Variants in GK5 observed in about 807,000 individuals in gnomAD.
GK5 encodes the protein ATP:glycerol 3-phosphotransferase 5.
A neutral mutation model predicts 77.3 loss-of-function variants in GK5; 39 were observed. The ratio of observed to expected loss-of-function variants is 0.50; its 90% confidence interval spans 0.39 to 0.66. The LOEUF is 0.66. GK5 is among the 30% of genes least tolerant of loss of function. The pLI is 0.00. For missense variants in GK5, 487 were observed against 633.8 expected (o/e 0.77, Z 2.49); for synonymous variants, 211 against 208.0 (o/e 1.01, Z -0.13).
chr3:142,192,800 C>T (rs2063871853), intron 5 of GK5, among the ~76,000 whole-genome samples: 2 of 151,438 alleles, frequency 1.3e-5, no homozygotes, highest in African/African-American at 2.4e-5. Context: ...ATAAACTGTG[C>T]CACATTCAGA....
chr3:142,204,474 T>C (rs966924842), intron 4 of GK5: 1 of 591,082 alleles, frequency 1.7e-6, no homozygotes. Context: ...CATGTGAAAC[T>C]CTGGTCCACC....
intron 1 of GK5, among the ~76,000 whole-genome samples, chr3:142,221,109 C>A (rs1455462526): frequency 6.6e-6 from 1 of 151,826 alleles, no homozygotes; most frequent in Admixed American, 6.6e-5. Flanking sequence ...TATGAAAAGG[C>A]CAAAATAAAG....
At chr3:142,185,904 G>T in intron 9 of GK5, 25 bp downstream of exon 9, 7 of 1,587,516 alleles carry the variant, frequency 4.4e-6, no homozygotes, top group Non-Finnish European at 6.0e-6. Context: ...CTATACAAAG[G>T]GAATCCCTCA....
Position 142,159,853 on chromosome 3 carries a change from C to CTTTTTTTTGTTTTTTTTTTT in GK5, c.*5768_*5769insAAAAAAAAAAACAAAAAAAA, listed in dbSNP as rs2063412590. On this transcript the variant is annotated 3_prime_UTR_variant, in exon 16 of 16. Coordinates refer to ENST00000392993, the MANE Select transcript of GK5 (RefSeq NM_001039547.3). ...TTTCTCTCTCTCTCTCTCTCTCTCT[C>CTTTTTTTTGTTTTTTTTTTT]TTTTTTTTTTTTGAGACAGAGTCTC... 9.4e-6 allele frequency: 1 copy of CTTTTTTTTGTTTTTTTTTTT among 106,124 alleles called. No individual in the cohort carries two copies. Among genetic ancestry groups the CTTTTTTTTGTTTTTTTTTTT allele is most frequent in the Non-Finnish European group, 1.9e-5 (1 of 53,072 alleles). 6.6% of individuals were successfully genotyped at this position (106,124 alleles called of 1,614,324 possible). A position where few individuals can be genotyped will look rare whatever the true frequency, so the allele number is the denominator to read the frequency against.
intron 4 of GK5, among the ~76,000 whole-genome samples, chr3:142,199,661 C>T (rs1035960369): frequency 2.6e-5 from 4 of 151,726 alleles, no homozygotes; most frequent in African/African-American, 9.7e-5. Flanking sequence ...ACTACCTATA[C>T]TTATCTAATG....
At chr3:142,217,331 CAT>C (rs1297411441) in intron 1 of GK5, among the ~76,000 whole-genome samples, 1 of 151,746 alleles carries the variant, frequency 6.6e-6, no homozygotes, top group Non-Finnish European at 1.5e-5. Flanking sequence ...AAAAGAAAGT[CAT>C]AAAAGACATA....
At chr3:142,191,277 C>T (rs1443047493) in intron 5 of GK5, among the ~76,000 whole-genome samples, 2 of 152,026 alleles carry the variant, frequency 1.3e-5, no homozygotes, top group African/African-American at 4.8e-5. Context: ...ATCCGCCCAC[C>T]TCGGCCTCCC....
intron 1 of GK5, among the ~76,000 whole-genome samples, chr3:142,223,991 C>T (rs984306447): frequency 3.9e-5 from 6 of 152,118 alleles, no homozygotes; most frequent in Admixed American, 2.6e-4. Context: ...GGAAGAAGAA[C>T]GGGACACTGA....
intron 4 of GK5, among the ~76,000 whole-genome samples, chr3:142,201,595 T>C (rs943237224): frequency 2.0e-5 from 3 of 152,114 alleles, no homozygotes; most frequent in Non-Finnish European, 4.4e-5. Context: ...CCTGGATGCA[T>C]GAACCTACAG....
At chr3:142,186,711 A>C (rs938754852) in intron 6 of GK5, among the ~76,000 whole-genome samples, 198 bp from the exon 7 acceptor site, 2 of 150,918 alleles carry the variant, frequency 1.3e-5, no homozygotes, top group Non-Finnish European at 2.9e-5. Flanking sequence ...GCTCACCGCA[A>C]CCTCTGCCTC....
chr3:142,193,675 T>G (rs928470505), intron 5 of GK5, among the ~76,000 whole-genome samples: 6 of 152,210 alleles, frequency 3.9e-5, no homozygotes, highest in African/African-American at 1.4e-4. Flanking sequence ...AGTATATATT[T>G]TGTAGTTAAG....
Position 142,159,688 on chromosome 3 carries a change from C to T in GK5, c.*5934G>A, listed in dbSNP as rs1383737394. Reference sequence around the variant, plus strand: ...AGGGGATTTAAAAAGAAAAAACCACCAACACGATTTTGAATCATCTATTTA... The same window carrying T: ...AGGGGATTTAAAAAGAAAAAACCACTAACACGATTTTGAATCATCTATTTA... On this transcript the variant is annotated 3_prime_UTR_variant, in exon 16 of 16. Coordinates refer to ENST00000392993, the MANE Select transcript of GK5 (RefSeq NM_001039547.3). 5 of 151,644 alleles carry T rather than the reference C, an allele frequency of 3.3e-5. No individual in the cohort carries two copies. In the East Asian group the frequency reaches 9.7e-4, roughly 29 times the overall value. The allele number at this position is 151,644 out of a possible 1,614,324, so 9.4% of individuals were successfully genotyped here.
chr3:142,161,674 A>T lies in GK5; in HGVS notation c.*3948T>A, dbSNP rs763896693. On this transcript the variant is annotated 3_prime_UTR_variant, in exon 16 of 16. Coordinates refer to ENST00000392993, the MANE Select transcript of GK5 (RefSeq NM_001039547.3). ...AGCAAAAAAGCAGGTCAAATCAAAG[A>T]TGATCTGCAGAATACATTAACCCTA... 6 of 152,212 alleles carry T rather than the reference A, an allele frequency of 3.9e-5. No individual in the cohort carries two copies. Among genetic ancestry groups the T allele is most frequent in the Non-Finnish European group, 8.8e-5 (6 of 68,030 alleles). The allele number at this position is 152,212 out of a possible 1,614,324, so 9.4% of individuals were successfully genotyped here. A position where few individuals can be genotyped will look rare whatever the true frequency, so the allele number is the denominator to read the frequency against.
At chr3:142,192,676 A>C (rs2063868948) in intron 5 of GK5, among the ~76,000 whole-genome samples, 1 of 151,502 alleles carries the variant, frequency 6.6e-6, no homozygotes, top group African/African-American at 2.4e-5. Context: ...AAGCAGGAGA[A>C]TTGCTTGGAC....
rs1481439372 is a variant in GK5 at position 142,198,784 on chromosome 3, C to T, written c.543+18G>A. ...CACATACACACATATTTTCCACATA[C>T]ACACAGTATTTTCTTACCTCAGTCA... On this transcript the variant is annotated intron_variant, in intron 5 of 15. Transcript: ENST00000392993. 6.3e-7 allele frequency: 1 copy of T among 1,598,628 alleles called. No homozygotes were observed. The highest frequency in any genetic ancestry group is 8.5e-7 in the Non-Finnish European group (1 of 1,174,008).
chr3:142,177,849 T>A (rs927324766), intron 11 of GK5, among the ~76,000 whole-genome samples: 3 of 146,394 alleles, frequency 2.0e-5, no homozygotes, highest in Non-Finnish European at 4.5e-5. Context: ...AGGACTTACG[T>A]TTTTTTTCTT....
chr3:142,177,493 T>G lies in GK5; in HGVS notation c.1132A>C (p.Ser378Arg), dbSNP rs1471462183. The change falls in exon 12 of 16, where the codon AGT (serine) becomes CGT (arginine). Residue 378 changes from serine to arginine, a missense_variant. By Grantham distance (110) the Ser-to-Arg change is moderately radical. Transcript: ENST00000392993. The part of the protein sequence containing the change: ...SEGVCFVPSF[S>R]GLQAPLNDPW... Reference sequence around the variant, plus strand: ...TAAAAAATACATACCTGTAATCCACTAAAAGATGGAACAAAACAAACTCCT... The same window carrying G: ...TAAAAAATACATACCTGTAATCCACGAAAAGATGGAACAAAACAAACTCCT... The G allele has an allele frequency of 6.2e-7, 1 of 1,600,756 alleles. No homozygotes were observed. The highest frequency in any genetic ancestry group is 1.3e-5 in the African/African-American group (1 of 74,718).
intron 3 of GK5, among the ~76,000 whole-genome samples, chr3:142,212,681 T>TA (rs1382982488): frequency 1.3e-5 from 2 of 152,218 alleles, no homozygotes; most frequent in African/African-American, 2.4e-5. Context: ...TATTTCTCTG[T>TA]AAAAACAGAT....
intron 1 of GK5, among the ~76,000 whole-genome samples, chr3:142,224,128 G>C (rs1042956375): frequency 2.0e-5 from 3 of 152,166 alleles, no homozygotes; most frequent in Non-Finnish European, 4.4e-5. Flanking sequence ...TAACAGGCTG[G>C]CTGCAGTGGC....
Sources: gnomAD v4.1 joint callset for allele counts (sites outside exome capture counted in the v4.1 genomes callset) on GRCh38, gnomAD v4.1.1 for gene constraint, MANE v1.5 for transcripts, NCBI Gene and HGNC (gene_info 2026-07-23, HGNC 2026-07-21) for gene names.